TMEM117: variants seen among roughly 807,000 people sequenced by gnomAD.
TMEM117 encodes transmembrane protein 117.
Under a neutral mutation model 52.4 loss-of-function variants are expected in TMEM117, and 27 were observed. The ratio of observed to expected loss-of-function variants is 0.51; its 90% CI spans 0.38 to 0.71. The LOEUF (loss-of-function observed/expected upper bound fraction) is 0.71. Among genes scored for constraint, TMEM117 ranks in the 30% least tolerant of loss-of-function variants. TMEM117 has a pLI of 0.00. For missense variants in TMEM117, 556 were observed against 630.5 expected, an observed-to-expected ratio of 0.88 and a Z score of 1.26; for synonymous variants, 215 against 206.3, an observed-to-expected ratio of 1.04 and a Z score of -0.36.
chr12:44,243,684 A>T (rs1330183328), intron 5 of TMEM117, among the ~76,000 whole-genome samples: 2 of 151,894 alleles, frequency 1.3e-5, no homozygotes, highest in Non-Finnish European at 2.9e-5. Flanking sequence ...GTTATTATTA[A>T]CTATAGTCAC....
chr12:44,338,625 C>T (rs1015128806), intron 6 of TMEM117, among the ~76,000 whole-genome samples: 8 of 151,688 alleles, frequency 5.3e-5, no homozygotes, highest in South Asian at 2.1e-4. Flanking sequence ...AAATGAGAAG[C>T]GTAAACATCC....
At chr12:43,891,584 T>C (rs1944106692) in intron 2 of TMEM117, among the ~76,000 whole-genome samples, 1 of 151,808 alleles carries the variant, frequency 6.6e-6, no homozygotes, top group Admixed American at 6.6e-5. Flanking sequence ...GTCAGGATGG[T>C]CTCGATCCCC....
chr12:44,299,220 T>A (rs1224209279), intron 5 of TMEM117, among the ~76,000 whole-genome samples: 1 of 146,718 alleles, frequency 6.8e-6, no homozygotes, highest in Non-Finnish European at 1.5e-5. Flanking sequence ...AAACTCCACC[T>A]CCCAGGTTCA....
At chr12:44,270,684 T>C (rs1011132800) in intron 5 of TMEM117, among the ~76,000 whole-genome samples, 48 of 152,168 alleles carry the variant, frequency 3.2e-4, no homozygotes, top group Non-Finnish European at 1.0e-4. Flanking sequence ...GGCATCCTTG[T>C]CATGTTCCAG....
At chr12:44,194,230 A>T (rs1426536436) in intron 4 of TMEM117, among the ~76,000 whole-genome samples, 1 of 152,242 alleles carries the variant, frequency 6.6e-6, no homozygotes, top group Non-Finnish European at 1.5e-5. Context: ...GTAAGCAAAC[A>T]TTTATCATAT....
chr12:44,144,887 G>GCCC (rs1948619936), intron 4 of TMEM117, among the ~76,000 whole-genome samples: 2 of 152,250 alleles, frequency 1.3e-5, no homozygotes, highest in Admixed American at 1.3e-4. Flanking sequence ...GCCGGGCGCG[G>GCCC]TGGCTCACGC....
At chr12:44,015,460 T>G (rs867806591) in intron 3 of TMEM117, among the ~76,000 whole-genome samples, 1 of 152,176 alleles carries the variant, frequency 6.6e-6, no homozygotes, top group South Asian at 2.1e-4. Flanking sequence ...ATGCATATGT[T>G]CATCTCATAA....
intron 6 of TMEM117, chr12:44,376,390 T>A (rs762809329): frequency 3.1e-6 from 2 of 655,490 alleles, no homozygotes; most frequent in Non-Finnish European, 5.4e-6. Flanking sequence ...TCTGAAGATA[T>A]AAGTTATGAC....
chr12:43,941,544 C>G (rs1312887803), intron 2 of TMEM117, among the ~76,000 whole-genome samples: 2 of 152,170 alleles, frequency 1.3e-5, no homozygotes, highest in African/African-American at 4.8e-5. Flanking sequence ...GATTACATTG[C>G]ATGGGAGAAG....
chr12:43,929,929 T>A (rs947284194), intron 2 of TMEM117, among the ~76,000 whole-genome samples: 1 of 152,170 alleles, frequency 6.6e-6, no homozygotes, highest in Non-Finnish European at 1.5e-5. Context: ...GTAATTTTTT[T>A]ATGTCTTGTT....
chr12:44,211,007 G>C (rs1421276865), intron 4 of TMEM117, among the ~76,000 whole-genome samples: 1 of 151,988 alleles, frequency 6.6e-6, no homozygotes, highest in Non-Finnish European at 1.5e-5. Flanking sequence ...CATATGCTTT[G>C]TTTCTATGGT....
chr12:44,231,783 T>C (rs1949936333), intron 5 of TMEM117, among the ~76,000 whole-genome samples: 1 of 151,802 alleles, frequency 6.6e-6, no homozygotes, highest in African/African-American at 2.4e-5. Context: ...TTTCCATTGG[T>C]TTATATGTAT....
At chr12:43,947,991 A>T (rs1451790327) in intron 3 of TMEM117, among the ~76,000 whole-genome samples, 1 of 152,158 alleles carries the variant, frequency 6.6e-6, no homozygotes, top group East Asian at 1.9e-4. Context: ...CTATAGAGAA[A>T]AGAATCCCTA....
chr12:44,091,047 C>T (rs914479395), intron 3 of TMEM117, among the ~76,000 whole-genome samples: 2 of 151,788 alleles, frequency 1.3e-5, no homozygotes, highest in Non-Finnish European at 2.9e-5. Context: ...CTGCTGATAA[C>T]GAAAAGAGAT....
intron 3 of TMEM117, among the ~76,000 whole-genome samples, chr12:44,106,578 CTG>C (rs1171656877): frequency 1.3e-5 from 2 of 151,912 alleles, no homozygotes; most frequent in Non-Finnish European, 2.9e-5. Context: ...AGCATAGTAA[CTG>C]TATTTAACAA....
At chr12:43,951,953 T>C (rs565438791) in intron 3 of TMEM117, among the ~76,000 whole-genome samples, 70 of 152,290 alleles carry the variant, frequency 4.6e-4, no homozygotes, top group African/African-American at 1.6e-3. Context: ...CAGGCCGCAA[T>C]CTTTGCTGTT....
intron 5 of TMEM117, among the ~76,000 whole-genome samples, chr12:44,247,321 G>A (rs1342413913): frequency 6.6e-6 from 1 of 152,100 alleles, no homozygotes; most frequent in African/African-American, 2.4e-5. Flanking sequence ...ATTAAATTAT[G>A]GAAAAATTTC....
the TMEM117 span, chr12:43,799,431 A>G: frequency 1.9e-6 from 3 of 1,609,910 alleles, no homozygotes; most frequent in African/African-American, 4.0e-5. Flanking sequence ...GTTCTTCCTC[A>G]GCTGCAGTCA....
At chr12:44,177,932 A>G (rs1949138496) in intron 4 of TMEM117, among the ~76,000 whole-genome samples, 1 of 152,154 alleles carries the variant, frequency 6.6e-6, no homozygotes, top group Non-Finnish European at 1.5e-5. Context: ...CTGAGCTTAC[A>G]TTCTGTGATT....
Sources: gnomAD v4.1 joint callset for allele counts (sites outside exome capture counted in the v4.1 genomes callset) on GRCh38, gnomAD v4.1.1 for gene constraint, MANE v1.5 for transcripts, NCBI Gene and HGNC (gene_info 2026-07-23, HGNC 2026-07-21) for gene names.